SCFD2: variants seen among roughly 807,000 people sequenced by gnomAD.
The protein encoded by SCFD2 is sec1 family domain containing 2.
In SCFD2, 54 loss-of-function variants were observed where a neutral mutation model predicts 58.9. The observed-to-expected ratio is 0.92, with a 90% CI of 0.74 to 1.15. The LOEUF (loss-of-function observed/expected upper bound fraction) is 1.15. SCFD2 is among the 50% of genes most tolerant of loss of function. The probability of loss-of-function intolerance (pLI) is 0.00; values close to 1 mark genes in which losing one functional copy is unlikely to be tolerated. For synonymous variants in SCFD2, 321 were observed against 335.9 expected (o/e 0.96, Z 0.49); for missense variants, 805 against 836.6 (o/e 0.96, Z 0.47).
At chr4:53,159,010 C>T (rs1726774559) in intron 4 of SCFD2, among the ~76,000 whole-genome samples, 1 of 152,076 alleles carries the variant, frequency 6.6e-6, no homozygotes, top group African/African-American at 2.4e-5. Flanking sequence ...GCTCTTATCA[C>T]CCTAAATTTA....
intron 5 of SCFD2, among the ~76,000 whole-genome samples, chr4:52,967,902 C>T (rs1720996814): frequency 6.6e-6 from 1 of 152,132 alleles, no homozygotes; most frequent in African/African-American, 2.4e-5. Context: ...GACTTGTTTC[C>T]CAGTTCCAAT....
chr4:53,140,787 G>A (rs1201933678), intron 5 of SCFD2, among the ~76,000 whole-genome samples: 1 of 152,178 alleles, frequency 6.6e-6, no homozygotes, highest in Non-Finnish European at 1.5e-5. Context: ...CACAGGTGAG[G>A]TTGTGGCAGG....
intron 4 of SCFD2, among the ~76,000 whole-genome samples, chr4:53,204,535 G>A (rs1728350335): frequency 6.7e-6 from 1 of 150,360 alleles, no homozygotes; most frequent in Non-Finnish European, 1.5e-5. Flanking sequence ...AAAAAAAGAA[G>A]ACAAAAGAAA....
chr4:53,266,165 TATAAAA>T (rs374697864), intron 4 of SCFD2, among the ~76,000 whole-genome samples: 21 of 152,262 alleles, frequency 1.4e-4, no homozygotes, highest in African/African-American at 5.1e-4. Context: ...AAACAGTAAA[TATAAAA>T]AGATAGTAAC....
At chr4:52,903,400 AGTGATGGGG>A (rs1719270885) in intron 7 of SCFD2, among the ~76,000 whole-genome samples, 1 of 152,166 alleles carries the variant, frequency 6.6e-6, no homozygotes, top group South Asian at 2.1e-4. Context: ...ACTGGAGTTC[AGTGATGGGG>A]CTGCTACCTT....
intron 3 of SCFD2, among the ~76,000 whole-genome samples, chr4:53,296,498 T>G (rs1020945527): frequency 2.4e-4 from 36 of 152,316 alleles, no homozygotes; most frequent in African/African-American, 8.2e-4. Context: ...CTTTATCATT[T>G]TTTATGGTAT....
At chr4:53,007,219 C>T (rs1453023840) in intron 5 of SCFD2, among the ~76,000 whole-genome samples, 1 of 146,532 alleles carries the variant, frequency 6.8e-6, no homozygotes, top group Non-Finnish European at 1.5e-5. Context: ...TTTAAGGTTA[C>T]AGTGAGCCAT....
chr4:53,320,633 A>T (rs867328137), intron 2 of SCFD2, among the ~76,000 whole-genome samples: 2 of 152,206 alleles, frequency 1.3e-5, no homozygotes, highest in Admixed American at 6.5e-5. Context: ...ATCAATAAAA[A>T]ATAAAAATAA....
chr4:53,007,336 G>GA (rs1721995774), intron 5 of SCFD2, among the ~76,000 whole-genome samples: 3 of 122,832 alleles, frequency 2.4e-5, no homozygotes, highest in Non-Finnish European at 5.2e-5. Context: ...GAGAGAGAGG[G>GA]AGAGAGAGAG....
chr4:52,980,860 T>C (rs996794898), intron 5 of SCFD2, among the ~76,000 whole-genome samples: 1 of 152,182 alleles, frequency 6.6e-6, no homozygotes, highest in African/African-American at 2.4e-5. Context: ...TCTGACATGA[T>C]ATTTTTGCAT....
chr4:53,336,935 A>G (rs781510569), intron 2 of SCFD2, among the ~76,000 whole-genome samples: 2 of 152,212 alleles, frequency 1.3e-5, no homozygotes, highest in East Asian at 1.9e-4. Flanking sequence ...AAAAAAAGAG[A>G]GAAAATGTGC....
At chr4:53,196,851 A>G (rs1728073985) in intron 4 of SCFD2, among the ~76,000 whole-genome samples, 1 of 152,196 alleles carries the variant, frequency 6.6e-6, no homozygotes, top group African/African-American at 2.4e-5. Flanking sequence ...GCAAAAGAAT[A>G]CAAAGCTATT....
intron 5 of SCFD2, among the ~76,000 whole-genome samples, chr4:52,946,219 T>C (rs1289832482): frequency 6.6e-6 from 1 of 152,136 alleles, no homozygotes; most frequent in East Asian, 1.9e-4. Context: ...CAGCTATGTT[T>C]TCCTTCTTGG....
intron 5 of SCFD2, among the ~76,000 whole-genome samples, chr4:52,964,683 G>C (rs908300216): frequency 6.9e-6 from 1 of 145,928 alleles, no homozygotes; most frequent in African/African-American, 2.5e-5. Flanking sequence ...CTTGCGAAAT[G>C]TGAGGGACAC....
intron 5 of SCFD2, among the ~76,000 whole-genome samples, chr4:52,969,035 T>G (rs1026006647): frequency 1.3e-5 from 2 of 152,198 alleles, no homozygotes; most frequent in Non-Finnish European, 2.9e-5. Flanking sequence ...TTTCTCACCC[T>G]CCACCATTCC....
At chr4:53,341,742 G>A (rs1224573918) in intron 2 of SCFD2, among the ~76,000 whole-genome samples, 2 of 152,186 alleles carry the variant, frequency 1.3e-5, no homozygotes, top group African/African-American at 4.8e-5. Context: ...AAGCCCATCA[G>A]ACTAACAGCA....
At chr4:53,216,026 T>C (rs923260687) in intron 4 of SCFD2, among the ~76,000 whole-genome samples, 2 of 152,226 alleles carry the variant, frequency 1.3e-5, no homozygotes, top group Admixed American at 6.5e-5. Flanking sequence ...GCTTTCTTGA[T>C]GTGCTGCTGG....
At chr4:53,341,484 G>T (rs1467340157) in intron 2 of SCFD2, among the ~76,000 whole-genome samples, 2 of 152,200 alleles carry the variant, frequency 1.3e-5, no homozygotes, top group African/African-American at 4.8e-5. Flanking sequence ...CGTCTGATTG[G>T]TGTACCTGAA....
intron 4 of SCFD2, among the ~76,000 whole-genome samples, chr4:53,215,580 G>A (rs1291756526): frequency 6.6e-6 from 1 of 152,122 alleles, no homozygotes; most frequent in Non-Finnish European, 1.5e-5. Context: ...ATACATTCAT[G>A]TCATCTGCAA....
Sources: gnomAD v4.1 joint callset for allele counts (sites outside exome capture counted in the v4.1 genomes callset) on GRCh38, gnomAD v4.1.1 for gene constraint, MANE v1.5 for transcripts, NCBI Gene and HGNC (gene_info 2026-07-23, HGNC 2026-07-21) for gene names.